CYP2B6: variants seen among roughly 807,000 people sequenced by gnomAD.
The protein encoded by CYP2B6 is cytochrome P450 family 2 subfamily B member 6, also known as cytochrome P450 2B6.
CYP2B6 carries 35 observed loss-of-function variants against 43.4 expected under a neutral mutation model. The ratio of observed to expected loss-of-function variants is 0.81; its 90% CI spans 0.62 to 1.07. The LOEUF (loss-of-function observed/expected upper bound fraction) is 1.07, where lower values mean the gene tolerates loss of function less well. Among genes scored for constraint, CYP2B6 ranks in the 50% least tolerant of loss-of-function variants. CYP2B6 has a pLI of 0.00. For synonymous variants in CYP2B6, 239 were observed against 239.2 expected, an observed-to-expected ratio of 1.00 and a Z score of 0.01; for missense variants, 624 against 632.8, an observed-to-expected ratio of 0.99 and a Z score of 0.15.
intron 1 of CYP2B6, among the ~76,000 whole-genome samples, chr19:41,002,951 T>A (rs539364290): frequency 6.6e-6 from 1 of 152,316 alleles, no homozygotes; most frequent in African/African-American, 2.4e-5. Flanking sequence ...CGTTGTCGCC[T>A]GTAGCTGTGG....
At chr19:40,999,990 C>A (rs1599843713) in intron 1 of CYP2B6, among the ~76,000 whole-genome samples, 2 of 152,112 alleles carry the variant, frequency 1.3e-5, no homozygotes, top group Admixed American at 1.3e-4. Flanking sequence ...ACATGTTTGA[C>A]CCTCTCCCTT....
At chr19:40,993,407 T>A (rs144975801) in intron 1 of CYP2B6, among the ~76,000 whole-genome samples, 2 of 152,132 alleles carry the variant, frequency 1.3e-5, no homozygotes, top group Admixed American at 1.3e-4. Context: ...AGCAGGAAAC[T>A]TACAATCATG....
intron 1 of CYP2B6, among the ~76,000 whole-genome samples, chr19:41,000,707 TA>T (rs1209683703): frequency 4.6e-5 from 7 of 152,104 alleles, no homozygotes; most frequent in African/African-American, 1.7e-4. Context: ...CATTTACAAC[TA>T]CCTGTGGACA....
At chr19:40,997,135 G>A (rs950940124) in intron 1 of CYP2B6, among the ~76,000 whole-genome samples, 2 of 151,976 alleles carry the variant, frequency 1.3e-5, no homozygotes, top group African/African-American at 4.8e-5. Context: ...GCCAATGAGA[G>A]AGAGCAGACT....
At chr19:41,009,632 A>C (rs1274900996) in intron 5 of CYP2B6, 1 of 620,210 alleles carries the variant, frequency 1.6e-6, no homozygotes, top group African/African-American at 1.8e-5. Flanking sequence ...GTGGGAAGAC[A>C]GAATGAAAGA....
Position 41,012,351 on chromosome 19 carries a change from C to T in CYP2B6, c.1018C>T (p.Leu340Phe). 6.2e-7 allele frequency: 1 copy of T among 1,614,130 alleles called. No homozygotes were observed. The highest frequency in any genetic ancestry group is 8.5e-7 in the Non-Finnish European group (1 of 1,180,034). The stretch of plus-strand genomic sequence containing the variant: ...GATTGGCCCACATCGCCCTCCAGAG[C>T]TTCATGACCGAGCCAAAATGCCATA... ...QVIGPHRPPE[L>F]HDRAKMPYTE... The change falls in exon 7 of 9, where the codon CTT becomes TTT. Residue 340 changes from leucine (L) to phenylalanine (F), a missense_variant. Coordinates refer to ENST00000324071, the MANE Select transcript of CYP2B6 (RefSeq NM_000767.5).
chr19:41,015,049 T>G, intron 8 of CYP2B6, among the ~76,000 whole-genome samples: 1 of 149,580 alleles, frequency 6.7e-6, no homozygotes, highest in Admixed American at 6.7e-5. Flanking sequence ...TAGATGGAGA[T>G]AGGAAGTTAA....
chr19:41,008,447 A>C (rs8113196), intron 4 of CYP2B6, among the ~76,000 whole-genome samples: 71,036 of 115,668 alleles, frequency 0.61, 25,238 homozygotes, highest in Middle Eastern at 0.81. Context: ...AGCTACAGCT[A>C]TTAAGCAGGG....
In CYP2B6 at chr19:41,016,777, G is replaced by A; in HGVS notation, c.1426G>A (p.Gly476Ser). 2 of 1,614,168 alleles carry A rather than the reference G, an allele frequency of 1.2e-6. No homozygotes were observed. The highest frequency in any genetic ancestry group is 1.1e-5 in the South Asian group (1 of 91,072). Reference sequence around the variant, plus strand: ...CATCGATCTGACACCCCAGGAGTGTGGTGTGGGCAAAATACCCCCAACATA... The same window carrying A: ...CATCGATCTGACACCCCAGGAGTGTAGTGTGGGCAAAATACCCCCAACATA... The part of the protein sequence containing the change: ...EDIDLTPQEC[G>S]VGKIPPTYQI... Residue 476 changes from glycine to serine, a missense_variant, in exon 9 of 9, where the codon GGT (glycine) becomes AGT (serine). Physicochemically the swap from Gly to Ser is moderately conservative, Grantham distance 56. Transcript: ENST00000324071.
intron 1 of CYP2B6, 36 bp from the exon 2 acceptor site, chr19:41,003,965 A>G (rs1969134355): frequency 1.2e-5 from 19 of 1,604,062 alleles, no homozygotes; most frequent in Non-Finnish European, 1.6e-5. Flanking sequence ...GTGTATGCTG[A>G]CTAACAGCCA....
Position 40,991,378 on chromosome 19 carries a change from A to G in CYP2B6, c.73A>G (p.Asn25Asp). Residue 25 changes from asparagine to aspartate, a missense_variant, in exon 1 of 9, where the codon AAC becomes GAC. Coordinates refer to ENST00000324071, the MANE Select transcript of CYP2B6 (RefSeq NM_000767.5). ...LLLLLVQRHP[N>D]THDRLPPGPR... is the part of the protein sequence containing the mutation. ...GCTACTCCTGGTTCAGCGCCACCCTAACACCCATGACCGCCTCCCACCAGG... is the reference window on the plus strand; with the variant it reads ...GCTACTCCTGGTTCAGCGCCACCCTGACACCCATGACCGCCTCCCACCAGG... The G allele has an allele frequency of 1.2e-6, 2 of 1,614,032 alleles. No individual in the cohort carries two copies. The highest frequency in any genetic ancestry group is 1.7e-6 in the Non-Finnish European group (2 of 1,180,014).
chr19:41,016,023 G>C (rs1177037659), intron 8 of CYP2B6, among the ~76,000 whole-genome samples: 200 of 59,422 alleles, frequency 3.4e-3, no homozygotes, highest in African/African-American at 0.018. Flanking sequence ...CACACACACA[G>C]AACCAGAAAT....
chr19:41,008,779 T>TCCAAAATAC, intron 4 of CYP2B6, among the ~76,000 whole-genome samples: 1 of 152,294 alleles, frequency 6.6e-6, no homozygotes, highest in Middle Eastern at 3.4e-3. Context: ...AGAAATAACC[T>TCCAAAATAC]CCAAAATACG....
chr19:41,009,293 A>C lies in CYP2B6; in HGVS notation c.720A>C (p.Glu240Asp), dbSNP rs1599849465. The C allele has an allele frequency of 6.2e-7, 1 of 1,613,154 alleles. No individual in the cohort carries two copies. Among genetic ancestry groups the C allele is most frequent in the African/African-American group, 1.3e-5 (1 of 74,834 alleles). Residue 240 changes from glutamate (E) to aspartate (D), a missense_variant, in exon 5 of 9, where the codon GAA becomes GAC. Coordinates refer to ENST00000324071, the MANE Select transcript of CYP2B6 (RefSeq NM_000767.5). ...GGCAAGTTTACAAAAACCTGCAGGA[A>C]ATCAATGCTTACATTGGCCACAGTG... ...AHRQVYKNLQ[E>D]INAYIGHSVE...
At chr19:40,996,331 CT>C (rs1452832863) in intron 1 of CYP2B6, among the ~76,000 whole-genome samples, 2 of 152,132 alleles carry the variant, frequency 1.3e-5, no homozygotes, top group African/African-American at 4.8e-5. Context: ...TACCACTTGT[CT>C]AGTGAAACAA....
At chr19:41,004,650 G>C (rs1969149710) in intron 3 of CYP2B6, among the ~76,000 whole-genome samples, 1 of 152,004 alleles carries the variant, frequency 6.6e-6, no homozygotes, top group African/African-American at 2.4e-5. Context: ...GAGAAACACA[G>C]AGAGCCAGGG....
At chr19:40,995,698 T>A (rs1968989682) in intron 1 of CYP2B6, among the ~76,000 whole-genome samples, 1 of 152,204 alleles carries the variant, frequency 6.6e-6, no homozygotes, top group East Asian at 1.9e-4. Flanking sequence ...TTACAAGAGA[T>A]CTATCTATGT....
At chr19:41,003,937 G>A in intron 1 of CYP2B6, 64 bp from the exon 2 acceptor site, 1 of 1,572,434 alleles carries the variant, frequency 6.4e-7, no homozygotes, top group Non-Finnish European at 8.7e-7. Context: ...TAAGTATTTT[G>A]ATAGTTTTAC....
intron 4 of CYP2B6, among the ~76,000 whole-genome samples, chr19:41,008,106 A>C (rs1475919210): frequency 9.0e-4 from 136 of 151,778 alleles, no homozygotes; most frequent in African/African-American, 3.2e-3. Flanking sequence ...CTGCTCTTTT[A>C]AAACAAAATA....
Sources: gnomAD v4.1 joint callset for allele counts (sites outside exome capture counted in the v4.1 genomes callset) on GRCh38, gnomAD v4.1.1 for gene constraint, MANE v1.5 for transcripts, NCBI Gene and HGNC (gene_info 2026-07-23, HGNC 2026-07-21) for gene names.